Variants in STARD13 observed in about 807,000 individuals in gnomAD.
The protein encoded by STARD13 is StAR related lipid transfer domain containing 13, also known as stAR-related lipid transfer protein 13.
Under a neutral mutation model 106.4 loss-of-function variants are expected in STARD13, and 62 were observed. The observed-to-expected ratio is 0.58, with a 90% confidence interval of 0.48 to 0.72. STARD13 has a LOEUF of 0.72. Ranked by LOEUF, STARD13 falls within the 30% of genes least tolerant of loss-of-function variation. The pLI, the probability that STARD13 is intolerant of heterozygous loss-of-function variation, is 0.00. For missense variants in STARD13, 1,387 were observed against 1,424.0 expected (o/e 0.97, Z 0.42); for synonymous variants, 565 against 553.0 (o/e 1.02, Z -0.31).
chr13:33,560,105 A>G, the STARD13 span, among the ~76,000 whole-genome samples: 1 of 151,576 alleles, frequency 6.6e-6, no homozygotes, highest in South Asian at 2.1e-4. Context: ...AATATGAAAT[A>G]AAAAACTGTT....
intron 1 of STARD13, among the ~76,000 whole-genome samples, chr13:33,230,539 G>A (rs1159142812): frequency 6.6e-6 from 1 of 152,214 alleles, no homozygotes; most frequent in East Asian, 1.9e-4. Flanking sequence ...TGAGAGTGGA[G>A]CTTTCATAAT....
intron 1 of STARD13, chr13:33,273,850 C>A (rs1490088256): frequency 6.6e-6 from 1 of 152,080 alleles, no homozygotes; most frequent in African/African-American, 2.4e-5. Context: ...TCAAAGTTAA[C>A]CTCAGTTTAG....
At chr13:33,239,037 TC>T (rs1036552932) in intron 1 of STARD13, among the ~76,000 whole-genome samples, 3 of 149,862 alleles carry the variant, frequency 2.0e-5, no homozygotes, top group Non-Finnish European at 4.5e-5. Flanking sequence ...CATTTCCCCC[TC>T]CCCCCCAGCC....
At chr13:33,215,956 C>T (rs1015937340) in intron 1 of STARD13, among the ~76,000 whole-genome samples, 2 of 152,026 alleles carry the variant, frequency 1.3e-5, no homozygotes, top group African/African-American at 4.8e-5. Flanking sequence ...CAAACGTATA[C>T]AAAAATGCTC....
At chr13:33,296,910 C>T (rs898698539) in intron 1 of STARD13, among the ~76,000 whole-genome samples, 11 of 152,256 alleles carry the variant, frequency 7.2e-5, no homozygotes, top group African/African-American at 2.6e-4. Context: ...TGAGCCACTG[C>T]GCCCGGCCGA....
chr13:33,559,507 G>A, the STARD13 span, among the ~76,000 whole-genome samples: 1 of 151,422 alleles, frequency 6.6e-6, no homozygotes. Flanking sequence ...GAGGCAATGA[G>A]GTTTAGATGA....
chr13:33,537,063 C>T, the STARD13 span, among the ~76,000 whole-genome samples: 3 of 152,172 alleles, frequency 2.0e-5, no homozygotes, highest in African/African-American at 7.2e-5. Context: ...TTTCAGGATT[C>T]ATTAAATAGC....
At chr13:33,132,316 T>C (rs1222342814) in intron 4 of STARD13, among the ~76,000 whole-genome samples, 2 of 152,210 alleles carry the variant, frequency 1.3e-5, no homozygotes, top group Non-Finnish European at 2.9e-5. Context: ...TGGGAGATAA[T>C]TGAATCGTGG....
At chr13:33,497,388 A>G in the STARD13 span, among the ~76,000 whole-genome samples, 4 of 152,168 alleles carry the variant, frequency 2.6e-5, no homozygotes, top group Non-Finnish European at 4.4e-5. Flanking sequence ...TTCCTCTATC[A>G]GCAAACAGAG....
At chr13:33,637,802 C>T in the STARD13 span, among the ~76,000 whole-genome samples, 1 of 152,148 alleles carries the variant, frequency 6.6e-6, no homozygotes, top group Non-Finnish European at 1.5e-5. Context: ...TTAATGCTAA[C>T]CCAGATAATT....
intron 8 of STARD13, among the ~76,000 whole-genome samples, chr13:33,115,645 A>G (rs1593866769): frequency 6.6e-6 from 1 of 152,200 alleles, no homozygotes; most frequent in Non-Finnish European, 1.5e-5. Flanking sequence ...GCCCTAAACC[A>G]AAACTGGTAA....
intron 1 of STARD13, among the ~76,000 whole-genome samples, chr13:33,242,608 A>G (rs1889584943): frequency 6.6e-6 from 1 of 152,182 alleles, no homozygotes; most frequent in Non-Finnish European, 1.5e-5. Context: ...GGACACAAAC[A>G]CTGCGGAAGG....
the STARD13 span, among the ~76,000 whole-genome samples, chr13:33,392,078 C>T: frequency 6.6e-6 from 1 of 152,160 alleles, no homozygotes; most frequent in African/African-American, 2.4e-5. Flanking sequence ...AATTCAGTTG[C>T]TTAAGATTGT....
intron 1 of STARD13, among the ~76,000 whole-genome samples, chr13:33,318,097 C>G (rs114563576): frequency 6.6e-6 from 1 of 152,108 alleles, no homozygotes; most frequent in Non-Finnish European, 1.5e-5. Flanking sequence ...GGAGGTAATA[C>G]GATCTAGCCC....
chr13:33,410,132 T>C, the STARD13 span, among the ~76,000 whole-genome samples: 2 of 152,240 alleles, frequency 1.3e-5, no homozygotes, highest in African/African-American at 4.8e-5. Flanking sequence ...AAGTGCTTAA[T>C]GCAAGCTTAA....
intron 4 of STARD13, among the ~76,000 whole-genome samples, chr13:33,132,446 T>C (rs1159998019): frequency 3.9e-5 from 6 of 152,234 alleles, no homozygotes; most frequent in Non-Finnish European, 8.8e-5. Context: ...CCATGTAAGA[T>C]GTACCTTTTG....
chr13:33,426,021 T>G, the STARD13 span, among the ~76,000 whole-genome samples: 4 of 152,246 alleles, frequency 2.6e-5, no homozygotes, highest in Non-Finnish European at 5.9e-5. Flanking sequence ...TATTTATTTT[T>G]GGGTTATCTA....
At chr13:33,204,577 C>T (rs1887281192) in intron 1 of STARD13, among the ~76,000 whole-genome samples, 1 of 152,190 alleles carries the variant, frequency 6.6e-6, no homozygotes, top group Admixed American at 6.5e-5. Context: ...GGCATAATCT[C>T]ATTCAAAGGT....
intron 1 of STARD13, among the ~76,000 whole-genome samples, chr13:33,236,242 G>A (rs147800014): frequency 1.3e-5 from 2 of 152,262 alleles, no homozygotes; most frequent in Admixed American, 6.5e-5. Context: ...ATTTATGGCT[G>A]GCCAGTAAGG....
Sources: allele counts gnomAD v4.1 joint callset (sites outside exome capture counted in the v4.1 genomes callset), GRCh38; gene constraint gnomAD v4.1.1; transcripts MANE v1.5; gene names NCBI Gene and HGNC (gene_info 2026-07-23, HGNC 2026-07-21).